Variants in CIROP observed in about 807,000 individuals in gnomAD.
CIROP encodes ciliated left-right organizer metallopeptidase.
the CIROP span, chr14:23,099,708 C>A: frequency 3.0e-6 from 1 of 333,276 alleles, no homozygotes; most frequent in African/African-American, 2.1e-5. Context: ...TACAGGCGCA[C>A]GCCGCACCAC....
At chr14:23,101,158 A>T in the CIROP span, 1 of 405,534 alleles carries the variant, frequency 2.5e-6, no homozygotes, top group Non-Finnish European at 4.4e-6. Context: ...TATATTCTAG[A>T]TCAGAGTCAT....
At chr14:23,104,907 A>AGCAGCAGCG in the CIROP span, 12 of 91,086 alleles carry the variant, frequency 1.3e-4, no homozygotes, top group Non-Finnish European at 2.8e-4. Context: ...CAGCAGCAGC[A>AGCAGCAGCG]GCAGCAGCAG....
At chr14:23,099,486 C>G in the CIROP span, 1 of 412,578 alleles carries the variant, frequency 2.4e-6, no homozygotes, top group East Asian at 3.6e-5. Context: ...AAGTAACCAG[C>G]AACCTAGGAA....
chr14:23,101,065 A>G, the CIROP span: 17 of 399,978 alleles, frequency 4.3e-5, no homozygotes, highest in Non-Finnish European at 7.1e-5. Flanking sequence ...AGAGAAGACC[A>G]TAGTACCCAG....
the CIROP span, chr14:23,104,733 C>T: frequency 2.1e-5 from 15 of 702,704 alleles, no homozygotes; most frequent in Admixed American, 8.0e-5. Flanking sequence ...GCTTTGGATT[C>T]GTAGGGGTTG....
the CIROP span, chr14:23,099,488 AC>A: frequency 9.7e-6 from 4 of 413,172 alleles, no homozygotes; most frequent in African/African-American, 8.2e-5. Flanking sequence ...GTAACCAGCA[AC>A]CTAGGAACAT....
At chr14:23,102,247 T>C in the CIROP span, 2 of 702,948 alleles carry the variant, frequency 2.8e-6, no homozygotes, top group East Asian at 5.4e-5. Flanking sequence ...GGCCTCCCAG[T>C]GCGAGGACAG....
the CIROP span, chr14:23,103,895 G>C: frequency 4.6e-6 from 3 of 648,726 alleles, no homozygotes; most frequent in Non-Finnish European, 5.6e-6. Flanking sequence ...AGGGGAGAAT[G>C]AATCTCTTTG....
chr14:23,101,094 G>A, the CIROP span: 26 of 400,646 alleles, frequency 6.5e-5, no homozygotes, highest in Middle Eastern at 6.3e-4. Flanking sequence ...AAGGAAATAG[G>A]TAGCAGGATA....
the CIROP span, chr14:23,103,340 A>G: frequency 8.2e-5 from 30 of 367,700 alleles, no homozygotes; most frequent in Non-Finnish European, 1.2e-4. Context: ...CTTGAGCCCA[A>G]GAGTTTGAGA....
At chr14:23,104,925 C>T in the CIROP span, 1 of 686,398 alleles carries the variant, frequency 1.5e-6, no homozygotes, top group Non-Finnish European at 2.7e-6. Flanking sequence ...CAGCATCTCC[C>T]TTCTGTGTCT....
the CIROP span, chr14:23,102,177 G>A: frequency 1.0e-5 from 7 of 702,852 alleles, no homozygotes; most frequent in East Asian, 2.7e-5. Flanking sequence ...TGATTGGGTC[G>A]AGTCGAGTGC....
At chr14:23,101,159 T>G in the CIROP span, 1 of 405,568 alleles carries the variant, frequency 2.5e-6, no homozygotes, top group Non-Finnish European at 4.4e-6. Flanking sequence ...ATATTCTAGA[T>G]CAGAGTCATG....
At chr14:23,101,975 C>A in the CIROP span, 7 of 701,176 alleles carry the variant, frequency 1.0e-5, no homozygotes, top group South Asian at 1.0e-4. Flanking sequence ...CCTTCAGCAC[C>A]AGCTATCCTC....
chr14:23,101,784 A>T, the CIROP span: 1 of 702,780 alleles, frequency 1.4e-6, no homozygotes, highest in East Asian at 2.7e-5. Flanking sequence ...AATGGATGGT[A>T]GAGTGACACT....
At chr14:23,104,797 G>A in the CIROP span, 5 of 702,800 alleles carry the variant, frequency 7.1e-6, no homozygotes, top group Non-Finnish European at 1.3e-5. Flanking sequence ...TTTGAGGGGA[G>A]TTGGGAGAAA....
the CIROP span, chr14:23,104,851 G>C: frequency 4.8e-5 from 34 of 702,164 alleles, no homozygotes; most frequent in African/African-American, 4.7e-4. Flanking sequence ...TCATCATGTA[G>C]ACATCGGCTT....
chr14:23,101,451 G>A, the CIROP span: 1 of 603,612 alleles, frequency 1.7e-6, no homozygotes, highest in South Asian at 2.0e-5. Context: ...TATCCCCAGG[G>A]AGCAGCTGTG....
chr14:23,101,547 C>T, the CIROP span: 5 of 661,194 alleles, frequency 7.6e-6, no homozygotes, highest in African/African-American at 1.8e-5. Flanking sequence ...ATCCGTTTTC[C>T]TTCTTCCAGC....
Sources: gnomAD v4.1 joint callset for allele counts on GRCh38, gnomAD v4.1.1 for gene constraint, MANE v1.5 for transcripts, NCBI Gene and HGNC (gene_info 2026-07-23, HGNC 2026-07-21) for gene names.